RGS6: variants seen among roughly 807,000 people sequenced by gnomAD.
RGS6 encodes regulator of G-protein signaling 6.
Under a neutral mutation model 78.5 loss-of-function variants are expected in RGS6, and 30 were observed. The ratio of observed to expected loss-of-function variants is 0.38; its 90% CI spans 0.29 to 0.52. RGS6 has a LOEUF of 0.52. RGS6 is among the 20% of genes least tolerant of loss of function. The pLI is 0.85. For missense variants in RGS6, 495 were observed against 609.7 expected, an observed-to-expected ratio of 0.81 and a Z score of 1.98; for synonymous variants, 206 against 206.0, an observed-to-expected ratio of 1.00 and a Z score of 0.00.
intron 2 of RGS6, among the ~76,000 whole-genome samples, chr14:72,340,179 T>C (rs576874421): frequency 4.6e-4 from 70 of 152,318 alleles, no homozygotes; most frequent in African/African-American, 1.7e-3. Context: ...ATTTTGCTTA[T>C]AAATTGTGAG....
the RGS6 span, among the ~76,000 whole-genome samples, chr14:71,909,193 G>A: frequency 1.3e-5 from 2 of 152,130 alleles, no homozygotes; most frequent in Admixed American, 6.5e-5. Flanking sequence ...AAAGGATGGC[G>A]TGTTCCTCCT....
the RGS6 span, among the ~76,000 whole-genome samples, chr14:71,872,083 C>T: frequency 6.6e-6 from 1 of 152,158 alleles, no homozygotes; most frequent in Admixed American, 6.6e-5. Flanking sequence ...TGGGCAGCCA[C>T]CCAGCAGGAC....
intron 2 of RGS6, among the ~76,000 whole-genome samples, chr14:72,129,181 C>T (rs905436698): frequency 6.6e-6 from 1 of 152,024 alleles, no homozygotes; most frequent in African/African-American, 2.4e-5. Context: ...TTACTTACAC[C>T]AGACAGTAGG....
At chr14:72,340,223 C>G (rs1381234199) in intron 2 of RGS6, among the ~76,000 whole-genome samples, 2 of 152,162 alleles carry the variant, frequency 1.3e-5, no homozygotes, top group African/African-American at 2.4e-5. Flanking sequence ...ATCTCAGTAT[C>G]CCTCCCCAGC....
At chr14:72,039,813 A>ATTTTTTTTTTTTTTT in intron 2 of RGS6, among the ~76,000 whole-genome samples, 1 of 68,920 alleles carries the variant, frequency 1.5e-5, no homozygotes, top group Non-Finnish European at 2.7e-5. Context: ...TGTTTCATTG[A>ATTTTTTTTTTTTTTT]TTTTTTTTTT....
the RGS6 span, among the ~76,000 whole-genome samples, chr14:71,905,940 A>G: frequency 6.6e-6 from 1 of 152,188 alleles, no homozygotes; most frequent in Non-Finnish European, 1.5e-5. Flanking sequence ...AGGCTTGTTG[A>G]TAATTGTGAT....
chr14:72,071,829 A>C (rs950855270), intron 2 of RGS6, among the ~76,000 whole-genome samples: 6 of 152,224 alleles, frequency 3.9e-5, no homozygotes, highest in Non-Finnish European at 8.8e-5. Context: ...GAACATATAG[A>C]ATTAAATGTT....
At chr14:72,344,805 G>T (rs1254147747) in intron 2 of RGS6, among the ~76,000 whole-genome samples, 1 of 152,210 alleles carries the variant, frequency 6.6e-6, no homozygotes. Flanking sequence ...ATTTTAGGTA[G>T]GGGAGTTAAA....
intron 3 of RGS6, among the ~76,000 whole-genome samples, chr14:72,377,167 C>T (rs1182276052): frequency 6.6e-6 from 1 of 151,982 alleles, no homozygotes; most frequent in East Asian, 1.9e-4. Flanking sequence ...CTCATCTCAC[C>T]TATAAAGACA....
At chr14:71,976,715 T>C (rs919387956) in intron 2 of RGS6, among the ~76,000 whole-genome samples, 1 of 152,164 alleles carries the variant, frequency 6.6e-6, no homozygotes, top group African/African-American at 2.4e-5. Flanking sequence ...AATGCCGCAA[T>C]AAACATACAT....
intron 2 of RGS6, among the ~76,000 whole-genome samples, chr14:72,031,966 A>T (rs551582125): frequency 1.8e-4 from 28 of 152,322 alleles, no homozygotes; most frequent in African/African-American, 6.7e-4. Context: ...ACATTTTGGT[A>T]TAGTCACCAT....
chr14:72,271,495 A>G lies in RGS6; in HGVS notation c.85-80600A>G, dbSNP rs529576712. Among the ~76,000 whole-genome samples, 7 of 152,386 alleles carry G rather than the reference A, an allele frequency of 4.6e-5. No individual in the cohort carries two copies. In the South Asian group the frequency reaches 1.4e-3, roughly 32 times the overall value. ...TTCAAGATGAGATTTGGGTGGGCACACAGCCAAACCATATCAACCACTGTA... is the reference window on the plus strand; with the variant it reads ...TTCAAGATGAGATTTGGGTGGGCACGCAGCCAAACCATATCAACCACTGTA... On this transcript the variant is annotated intron_variant, in intron 2 of 17. Transcript: ENST00000553525.
the RGS6 span, among the ~76,000 whole-genome samples, chr14:72,600,993 G>A: frequency 6.7e-6 from 1 of 149,282 alleles, no homozygotes; most frequent in East Asian, 2.1e-4. Flanking sequence ...AGAGGAAGAG[G>A]AGGAGGAGGG....
chr14:72,244,886 A>G (rs2153830843), intron 2 of RGS6, among the ~76,000 whole-genome samples: 1 of 151,610 alleles, frequency 6.6e-6, no homozygotes, highest in African/African-American at 2.4e-5. Context: ...GTGCAATGGC[A>G]CGATCTCAGC....
At chr14:72,417,647 T>C (rs911089830) in intron 3 of RGS6, among the ~76,000 whole-genome samples, 3 of 152,234 alleles carry the variant, frequency 2.0e-5, no homozygotes, top group Admixed American at 1.3e-4. Context: ...CCAGATGACC[T>C]TGGGCTCATT....
At chr14:72,291,780 A>G (rs1196996317) in intron 2 of RGS6, among the ~76,000 whole-genome samples, 1 of 152,170 alleles carries the variant, frequency 6.6e-6, no homozygotes, top group Non-Finnish European at 1.5e-5. Context: ...TTAAAAAAAG[A>G]AAGGGCCGAG....
chr14:72,576,468 A>G, the RGS6 span, among the ~76,000 whole-genome samples: 1 of 152,264 alleles, frequency 6.6e-6, no homozygotes, highest in Non-Finnish European at 1.5e-5. Flanking sequence ...TACTATTGGC[A>G]GCAGACAGAT....
intron 2 of RGS6, among the ~76,000 whole-genome samples, chr14:72,093,982 T>C (rs973791600): frequency 6.6e-6 from 1 of 151,814 alleles, no homozygotes; most frequent in African/African-American, 2.4e-5. Flanking sequence ...AAAGAAGTAA[T>C]TAAAGATATG....
At chr14:72,052,988 TCTCTCTCTCTC>T (rs2093374015) in intron 2 of RGS6, among the ~76,000 whole-genome samples, 5 of 65,268 alleles carry the variant, frequency 7.7e-5, no homozygotes, top group Non-Finnish European at 1.4e-4. Flanking sequence ...TTTCTTTCTC[TCTCTCTCTCTC>T]TCTCTCTTTC....
Sources: allele counts gnomAD v4.1 joint callset (sites outside exome capture counted in the v4.1 genomes callset), GRCh38; gene constraint gnomAD v4.1.1; transcripts MANE v1.5; gene names NCBI Gene and HGNC (gene_info 2026-07-23, HGNC 2026-07-21).